COL23A1: variants seen among roughly 807,000 people sequenced by gnomAD.
COL23A1 encodes collagen type XXIII alpha 1 chain.
A neutral mutation model predicts 99.3 loss-of-function variants in COL23A1; 97 were observed. The observed-to-expected ratio is 0.98, with a 90% CI of 0.83 to 1.16. The LOEUF (loss-of-function observed/expected upper bound fraction) is 1.16. Among genes scored for constraint, COL23A1 ranks in the 50% most tolerant of loss-of-function variants. The probability of loss-of-function intolerance (pLI) is 0.00; values close to 1 mark genes in which losing one functional copy is unlikely to be tolerated. For missense variants in COL23A1, 762 were observed against 757.4 expected (o/e 1.01, Z -0.07); for synonymous variants, 320 against 308.2 (o/e 1.04, Z -0.40).
intron 2 of COL23A1, among the ~76,000 whole-genome samples, chr5:178,417,563 A>T (rs1765381240): frequency 6.6e-6 from 1 of 152,134 alleles, no homozygotes; most frequent in Admixed American, 6.5e-5. Flanking sequence ...CCCCAGCGAG[A>T]TATCATTATA....
intron 2 of COL23A1, among the ~76,000 whole-genome samples, chr5:178,518,738 G>C: frequency 6.6e-6 from 1 of 150,432 alleles, no homozygotes; most frequent in Non-Finnish European, 1.5e-5. Flanking sequence ...TCCCAGACGG[G>C]GTGGCAGCCG....
chr5:178,576,038 C>A (rs922503159), intron 1 of COL23A1, among the ~76,000 whole-genome samples: 1 of 152,196 alleles, frequency 6.6e-6, no homozygotes, highest in Non-Finnish European at 1.5e-5. Context: ...GGTCACGAAG[C>A]CGCAGTGCTT....
intron 2 of COL23A1, among the ~76,000 whole-genome samples, chr5:178,505,903 G>A (rs938542176): frequency 6.6e-6 from 1 of 152,074 alleles, no homozygotes; most frequent in Non-Finnish European, 1.5e-5. Flanking sequence ...AACACCTTCT[G>A]AGACAGCAGA....
chr5:178,585,665 A>AGCC (rs1763936862), intron 1 of COL23A1, among the ~76,000 whole-genome samples: 2 of 2,528 alleles, frequency 7.9e-4, no homozygotes, highest in Non-Finnish European at 2.1e-3. Flanking sequence ...CTGGGGTAAC[A>AGCC]CTCCACAGCC....
chr5:178,580,737 G>C (rs1172062135), intron 1 of COL23A1, among the ~76,000 whole-genome samples: 22 of 152,182 alleles, frequency 1.4e-4, no homozygotes, highest in Non-Finnish European at 1.5e-5. Flanking sequence ...AAAGGTTTCT[G>C]GCCGGGTGTG....
At chr5:178,471,437 C>G (rs1009161977) in intron 2 of COL23A1, among the ~76,000 whole-genome samples, 4 of 152,118 alleles carry the variant, frequency 2.6e-5, no homozygotes, top group Non-Finnish European at 5.9e-5. Flanking sequence ...TGGGGTTTCG[C>G]CATGTTGGCC....
At chr5:178,246,483 G>A in intron 22 of COL23A1, 30 bp from the exon 23 acceptor site, 1 of 1,552,542 alleles carries the variant, frequency 6.4e-7, no homozygotes, top group Non-Finnish European at 8.7e-7. Context: ...ATCAGTCAAG[G>A]GGAAGGGGTT....
chr5:178,311,339 G>A (rs1303709116), intron 2 of COL23A1, among the ~76,000 whole-genome samples: 4 of 152,252 alleles, frequency 2.6e-5, no homozygotes, highest in East Asian at 1.9e-4. Context: ...CTTGCCTTGC[G>A]GAATCATGAA....
intron 2 of COL23A1, among the ~76,000 whole-genome samples, chr5:178,398,391 C>T (rs1764259185): frequency 6.6e-6 from 1 of 152,210 alleles, no homozygotes; most frequent in Admixed American, 6.5e-5. Flanking sequence ...CTTTGAGAGG[C>T]CGACGCAGGC....
intron 2 of COL23A1, among the ~76,000 whole-genome samples, chr5:178,512,198 T>C (rs1327650920): frequency 6.6e-6 from 1 of 152,228 alleles, no homozygotes; most frequent in Non-Finnish European, 1.5e-5. Context: ...AAACGCATTT[T>C]GGCACACTCT....
intron 2 of COL23A1, among the ~76,000 whole-genome samples, chr5:178,509,450 T>C (rs534313018): frequency 6.6e-6 from 1 of 152,246 alleles, no homozygotes; most frequent in South Asian, 2.1e-4. Flanking sequence ...TTTGTACTCC[T>C]GACCTTGTGA....
intron 2 of COL23A1, among the ~76,000 whole-genome samples, chr5:178,492,706 A>G (rs984340521): frequency 6.6e-6 from 1 of 151,758 alleles, no homozygotes; most frequent in Non-Finnish European, 1.5e-5. Flanking sequence ...CGAAATGTCC[A>G]GAACAGGCCA....
chr5:178,441,520 G>A (rs371160456), intron 2 of COL23A1, among the ~76,000 whole-genome samples: 9 of 152,078 alleles, frequency 5.9e-5, no homozygotes, highest in East Asian at 3.9e-4. Context: ...CGGTACAGGC[G>A]CACAGGGGCT....
At position 178,387,794 on chromosome 5, in the gene COL23A1, C is replaced by T. The variant is rs567824859; in HGVS notation, c.362-80875G>A. On this transcript the variant is annotated intron_variant, in intron 2 of 28. Coordinates refer to ENST00000390654, the MANE Select transcript of COL23A1 (RefSeq NM_173465.4). This position sits in a 1 kb window ranked among gnomAD's most constrained non-coding sequence, Gnocchi z 4.7. ...GCCATTTTCCCCCGCGCTGTGCTTGCGGAGTTTCCCACTCCTCTGTCCCCC... is the reference window on the plus strand; with the variant it reads ...GCCATTTTCCCCCGCGCTGTGCTTGTGGAGTTTCCCACTCCTCTGTCCCCC... Among the ~76,000 whole-genome samples, 6 of 152,292 alleles carry T rather than the reference C, an allele frequency of 3.9e-5. No homozygotes were observed. Among genetic ancestry groups the T allele is most frequent in the Admixed American group, 1.3e-4 (2 of 15,290 alleles).
chr5:178,270,358 G>A lies in COL23A1; in HGVS notation c.447C>T (p.Pro149=). 1 of 1,613,878 alleles carries A rather than the reference G, an allele frequency of 6.2e-7. No individual in the cohort carries two copies. The highest frequency in any genetic ancestry group is 8.5e-7 in the Non-Finnish European group (1 of 1,179,938). The change falls in exon 6 of 29, where the codon CCC becomes CCT. Residue 149 remains proline, a synonymous_variant. Coordinates refer to ENST00000390654, the MANE Select transcript of COL23A1 (RefSeq NM_173465.4). ...GQSGRDGYPG[P]LGLDGKPGLP... is the part of the protein sequence containing the mutation. Reference sequence around the variant, plus strand: ...TTACGGGCTTGCCATCCAAACCCAGGGGTCCCTGGAAAACGAGAGAGAGAG... The same window carrying A: ...TTACGGGCTTGCCATCCAAACCCAGAGGTCCCTGGAAAACGAGAGAGAGAG...
intron 1 of COL23A1, among the ~76,000 whole-genome samples, chr5:178,576,859 C>T (rs894195981): frequency 4.0e-5 from 6 of 151,782 alleles, no homozygotes; most frequent in African/African-American, 1.4e-4. Flanking sequence ...TCCCCCTGCG[C>T]GCACGGGAGG....
intron 2 of COL23A1, among the ~76,000 whole-genome samples, chr5:178,550,044 G>A (rs747315217): frequency 1.3e-5 from 2 of 152,136 alleles, no homozygotes; most frequent in Non-Finnish European, 2.9e-5. Flanking sequence ...ATACCTCCAT[G>A]AGACTCCATT....
At chr5:178,461,244 C>T (rs1045376439) in intron 2 of COL23A1, among the ~76,000 whole-genome samples, 4 of 152,202 alleles carry the variant, frequency 2.6e-5, no homozygotes, top group Non-Finnish European at 5.9e-5. Context: ...GGCTGGCCAC[C>T]GCCACGAGTC....
intron 2 of COL23A1, among the ~76,000 whole-genome samples, chr5:178,423,771 G>A (rs1765760886): frequency 1.3e-5 from 2 of 152,100 alleles, no homozygotes; most frequent in South Asian, 2.1e-4. Flanking sequence ...GAGGGCTACC[G>A]CAGACCAAGG....
Sources: gnomAD v4.1 joint callset for allele counts (sites outside exome capture counted in the v4.1 genomes callset) on GRCh38, gnomAD v4.1.1 for gene constraint, Gnocchi (gnomAD v3.1) non-coding constraint, MANE v1.5 for transcripts, NCBI Gene and HGNC (gene_info 2026-07-23, HGNC 2026-07-21) for gene names.